ADGRB2: variants seen among roughly 807,000 people sequenced by gnomAD.
ADGRB2 encodes the protein brain-specific angiogenesis inhibitor 2.
Under a neutral mutation model 178.7 loss-of-function variants are expected in ADGRB2, and 47 were observed. The observed-to-expected ratio is 0.26, with a 90% CI of 0.21 to 0.34. The LOEUF (loss-of-function observed/expected upper bound fraction) is 0.34. ADGRB2 is among the 10% of genes least tolerant of loss of function. The probability of loss-of-function intolerance (pLI) is 1.00; values close to 1 mark genes in which losing one functional copy is unlikely to be tolerated. For missense variants in ADGRB2, 1,584 were observed against 2,180.8 expected (o/e 0.73, Z 5.45); for synonymous variants, 870 against 912.4 (o/e 0.95, Z 0.84).
chr1:31,733,594 G>C lies in ADGRB2; in HGVS notation c.3453-451C>G, dbSNP rs1185472886. On this transcript the variant is annotated intron_variant, in intron 25 of 32. Coordinates refer to ENST00000373658, the MANE Select transcript of ADGRB2 (RefSeq NM_001364857.2). This position sits in a 1 kb window ranked among gnomAD's most constrained non-coding sequence, Gnocchi z 4.3. ...CCACAGTGAGAGAACGCATGCGACA[G>C]AGACACCCAGACAGAAAGATTAAAC... is the stretch of plus-strand genomic sequence containing the variant. 2.0e-5 allele frequency among the ~76,000 whole-genome samples: 3 copies of C among 152,174 alleles called. No homozygotes were observed. In the South Asian group the frequency reaches 6.2e-4, roughly 32 times the overall value.
chr1:31,732,215 G>A, intron 27 of ADGRB2, 61 bp from the exon 28 acceptor site: 1 of 1,606,100 alleles, frequency 6.2e-7, no homozygotes, highest in South Asian at 1.1e-5. Flanking sequence ...AGGGTGGGAG[G>A]AGGCTCAGGC....
chr1:31,761,042 G>A lies in ADGRB2; in HGVS notation c.-191+2842C>T, dbSNP rs1647027934. On this transcript the variant is annotated intron_variant, in intron 1 of 32. Coordinates refer to ENST00000373658, the MANE Select transcript of ADGRB2 (RefSeq NM_001364857.2). The surrounding 1 kb of genome is among the most constrained non-coding windows in gnomAD (Gnocchi z 4.2). ...TGGGGGCGGTGCCGCGCGGGCGGCGGGGGAGGGGGCGGTGACTCAGCCGCC... is the reference window on the plus strand; with the variant it reads ...TGGGGGCGGTGCCGCGCGGGCGGCGAGGGAGGGGGCGGTGACTCAGCCGCC... 1 of 151,690 alleles carries A rather than the reference G, an allele frequency of 6.6e-6. No individual in the cohort carries two copies. The highest frequency in any genetic ancestry group is 6.5e-5 in the Admixed American group (1 of 15,268). 9.4% of individuals were successfully genotyped at this position (151,690 alleles called of 1,614,324 possible).
Position 31,735,174 on chromosome 1 carries a change from A to G in ADGRB2, c.3452+9T>C. 9.2e-7 allele frequency: 1 copy of G among 1,092,662 alleles called. No homozygotes were observed. The allele number at this position is 1,092,662 out of a possible 1,614,324, so 67.7% of individuals were successfully genotyped here. The stretch of plus-strand genomic sequence containing the variant: ...CCACCCCCACCGCCCCCCAGGGGGC[A>G]CGACTAACATGGCGTTCCTGGCCGA... On this transcript the variant is annotated intron_variant, in intron 25 of 32. Transcript: ENST00000373658. The surrounding 1 kb of genome is among the most constrained non-coding windows in gnomAD (Gnocchi z 6.0).
chr1:31,762,519 A>C (rs1241559450), intron 1 of ADGRB2, among the ~76,000 whole-genome samples: 1 of 152,234 alleles, frequency 6.6e-6, no homozygotes, highest in Non-Finnish European at 1.5e-5. Context: ...AAGCCCAACC[A>C]GGCGTCCTGG....
chr1:31,756,206 C>T lies in ADGRB2; in HGVS notation c.631G>A (p.Ala211Thr), dbSNP rs904940190. ...LCRWSEECGR[A>T]AGRACGFAQP... Reference sequence around the variant, plus strand: ...GCAAAGCCGCAGGCCCTGCCGGCAGCGCGGCCACACTCCTCACTCCAGCGG... The same window carrying T: ...GCAAAGCCGCAGGCCCTGCCGGCAGTGCGGCCACACTCCTCACTCCAGCGG... The change falls in exon 4 of 33, where the codon GCT becomes ACT. Residue 211 changes from alanine (A) to threonine (T), a missense_variant. Coordinates refer to ENST00000373658, the MANE Select transcript of ADGRB2 (RefSeq NM_001364857.2). The surrounding 1 kb of genome is among the most constrained non-coding windows in gnomAD (Gnocchi z 8.5). 1.2e-6 allele frequency: 2 copies of T among 1,613,526 alleles called. No individual in the cohort carries two copies. Among genetic ancestry groups the T allele is most frequent in the Non-Finnish European group, 8.5e-7 (1 of 1,179,902 alleles).
In ADGRB2 at chr1:31,741,985, C is replaced by T. The variant is rs775565293; in HGVS notation, c.1418-18G>A. 7 of 1,584,852 alleles carry T rather than the reference C, an allele frequency of 4.4e-6. No homozygotes were observed. Among genetic ancestry groups the T allele is most frequent in the Admixed American group, 3.4e-5 (2 of 58,528 alleles). On this transcript the variant is annotated intron_variant, in intron 8 of 32. Transcript: ENST00000373658. This position sits in a 1 kb window ranked among gnomAD's most constrained non-coding sequence, Gnocchi z 6.5. ...ATCAGTGGCTGTGGGAGAGGTGAGG[C>T]ATATGAGTGGGCCCAGGTACCCCCA...
rs1215997281 is a variant in ADGRB2, at chr1:31,754,595, A to C, written c.838+1404T>G. On this transcript the variant is annotated intron_variant, in intron 4 of 32. Transcript: ENST00000373658. This position sits in a 1 kb window ranked among gnomAD's most constrained non-coding sequence, Gnocchi z 5.7. ...GCCCGGCTGTCACTCGGACGGCTTCATTGACCGCCGTTAGAGGCCAAGCTA... is the reference window on the plus strand; with the variant it reads ...GCCCGGCTGTCACTCGGACGGCTTCCTTGACCGCCGTTAGAGGCCAAGCTA... Among the ~76,000 whole-genome samples, 2 of 152,242 alleles carry C rather than the reference A, an allele frequency of 1.3e-5. No homozygotes were observed. The highest frequency in any genetic ancestry group is 2.9e-5 in the Non-Finnish European group (2 of 68,036).
At chr1:31,750,213 C>A (rs1646496584) in intron 4 of ADGRB2, among the ~76,000 whole-genome samples, 1 of 152,194 alleles carries the variant, frequency 6.6e-6, no homozygotes, top group Admixed American at 6.5e-5. Flanking sequence ...GGCCTAGTCC[C>A]CAGGCCATCT....
Position 31,756,867 on chromosome 1 carries a change from C to T in ADGRB2, c.22-52G>A. On this transcript the variant is annotated intron_variant, in intron 3 of 32. Coordinates refer to ENST00000373658, the MANE Select transcript of ADGRB2 (RefSeq NM_001364857.2). This position sits in a 1 kb window ranked among gnomAD's most constrained non-coding sequence, Gnocchi z 8.5. Reference sequence around the variant, plus strand: ...GCCCCCAGCACAGCCAGCATGGGCTCTGAACCTTCTATGGTGAGCTGCGGG... The same window carrying T: ...GCCCCCAGCACAGCCAGCATGGGCTTTGAACCTTCTATGGTGAGCTGCGGG... The T allele has an allele frequency of 7.0e-7, 1 of 1,431,378 alleles. No individual in the cohort carries two copies. Among genetic ancestry groups the T allele is most frequent in the Non-Finnish European group, 9.2e-7 (1 of 1,081,894 alleles). 88.7% of individuals were successfully genotyped at this position (1,431,378 alleles called of 1,614,324 possible). A position where few individuals can be genotyped will look rare whatever the true frequency, so the allele number is the denominator to read the frequency against.
chr1:31,730,993 G>C lies in ADGRB2; in HGVS notation c.4187C>G (p.Pro1396Arg). 1 of 1,568,820 alleles carries C rather than the reference G, an allele frequency of 6.4e-7. No homozygotes were observed. Among genetic ancestry groups the C allele is most frequent in the Non-Finnish European group, 8.7e-7 (1 of 1,153,778 alleles). Reference protein sequence around the residue: ...AKTVAHTEGYPSFLSVDHSGL... With the variant: ...AKTVAHTEGYRSFLSVDHSGL... ...CGAGTGGTCCACGGACAGGAAGCTG[G>C]GGTAGCCTTCAGTGTGGGCCACTGT... Residue 1396 changes from proline to arginine, a missense_variant, in exon 29 of 33, where the codon CCC (proline) becomes CGC (arginine). Physicochemically the swap from Pro to Arg is moderately radical, Grantham distance 103. Transcript: ENST00000373658.
chr1:31,732,155 C>T lies in ADGRB2; in HGVS notation c.3721-1G>A, dbSNP rs1199718185. On this transcript the variant is annotated splice_acceptor_variant, in intron 27 of 32. Coordinates refer to ENST00000373658, the MANE Select transcript of ADGRB2 (RefSeq NM_001364857.2). LOFTEE classifies it high-confidence loss of function. ...GATCCACATCCTTTTCAAAGTCTGACTATAGGCAGAAAGGGAGGGGCAGGT... is the reference window on the plus strand; with the variant it reads ...GATCCACATCCTTTTCAAAGTCTGATTATAGGCAGAAAGGGAGGGGCAGGT... 6.2e-7 allele frequency: 1 copy of T among 1,614,094 alleles called. No homozygotes were observed. Among genetic ancestry groups the T allele is most frequent in the Non-Finnish European group, 8.5e-7 (1 of 1,179,976 alleles).
At chr1:31,729,897 C>A (rs1451788686) in intron 29 of ADGRB2, among the ~76,000 whole-genome samples, 1 of 152,236 alleles carries the variant, frequency 6.6e-6, no homozygotes, top group Non-Finnish European at 1.5e-5. Context: ...GAAGCAGGCA[C>A]CAAATGTTCC....
chr1:31,730,232 A>G (rs1305069735), intron 29 of ADGRB2, among the ~76,000 whole-genome samples: 1 of 152,196 alleles, frequency 6.6e-6, no homozygotes, highest in Non-Finnish European at 1.5e-5. Flanking sequence ...TTTTCTCCGG[A>G]AGAGAGGGTC....
At chr1:31,738,478 G>T in intron 17 of ADGRB2, 109 bp downstream of exon 17, 2 of 1,529,368 alleles carry the variant, frequency 1.3e-6, no homozygotes, top group Non-Finnish European at 1.8e-6. Flanking sequence ...TGACCCCTTA[G>T]GCTAGGATGG....
intron 22 of ADGRB2, 152 bp from the exon 23 acceptor site, chr1:31,736,045 G>T: frequency 1.1e-6 from 1 of 931,974 alleles, no homozygotes; most frequent in Non-Finnish European, 1.6e-6. Context: ...CTCCTGCTGA[G>T]CCTCGGTTTC....
chr1:31,736,990 T>A (rs1382587384), intron 20 of ADGRB2, among the ~76,000 whole-genome samples: 1 of 152,108 alleles, frequency 6.6e-6, no homozygotes, highest in Non-Finnish European at 1.5e-5. Flanking sequence ...GGGACAGACA[T>A]GAGCACCTGC....
chr1:31,728,314 C>T lies in ADGRB2; in HGVS notation c.4417-34G>A, dbSNP rs772562649. On this transcript the variant is annotated intron_variant, in intron 30 of 32. Transcript: ENST00000373658. This position sits in a 1 kb window ranked among gnomAD's most constrained non-coding sequence, Gnocchi z 6.7. ...CACAGGGCATCAGAGGGTCGCTCCC[C>T]GGGGCAGCACCATGATCCCCCCTAC... is the stretch of plus-strand genomic sequence containing the variant. 9 of 1,598,884 alleles carry T rather than the reference C, an allele frequency of 5.6e-6. No individual in the cohort carries two copies. Among genetic ancestry groups the T allele is most frequent in the African/African-American group, 1.3e-5 (1 of 74,610 alleles).
chr1:31,756,583 C>A lies in ADGRB2; in HGVS notation c.254G>T (p.Arg85Leu). ...TKYSLYLRFN[R>L]QEQVCAHFAP... is the part of the protein sequence containing the mutation. Reference sequence around the variant, plus strand: ...AAAGTGTGCGCACACCTGCTCCTGGCGGTTGAAGCGCAGGTAGAGGGAGTA... The same window carrying A: ...AAAGTGTGCGCACACCTGCTCCTGGAGGTTGAAGCGCAGGTAGAGGGAGTA... Residue 85 changes from arginine to leucine, a missense_variant, in exon 4 of 33, where the codon CGC becomes CTC. By Grantham distance (102) the Arg-to-Leu change is moderately radical (BLOSUM62 -2). Transcript: ENST00000373658. The surrounding 1 kb of genome is among the most constrained non-coding windows in gnomAD (Gnocchi z 8.5). 2 of 1,609,544 alleles carry A rather than the reference C, an allele frequency of 1.2e-6. No homozygotes were observed. The highest frequency in any genetic ancestry group is 1.7e-6 in the Non-Finnish European group (2 of 1,177,398).
Position 31,742,128 on chromosome 1 carries a change from C to G in ADGRB2, c.1342G>C (p.Val448Leu). 6.2e-7 allele frequency: 1 copy of G among 1,613,526 alleles called. No homozygotes were observed. Among genetic ancestry groups the G allele is most frequent in the Non-Finnish European group, 8.5e-7 (1 of 1,179,934 alleles). ...GTQQRSRKCS[V>L]AGPAWATCTG... ...CATGTGGCCCAGGCTGGGCCCGCCA[C>G]GCTGCACTTCCGGCTGCGCTGTTGG... is the stretch of plus-strand genomic sequence containing the variant. Residue 448 changes from valine to leucine, a missense_variant, in exon 8 of 33, where the codon GTG becomes CTG. Transcript: ENST00000373658.
Sources: allele counts gnomAD v4.1 joint callset (sites outside exome capture counted in the v4.1 genomes callset), GRCh38; gene constraint gnomAD v4.1.1; non-coding constraint Gnocchi (gnomAD v3.1); transcripts MANE v1.5; gene names NCBI Gene and HGNC (gene_info 2026-07-23, HGNC 2026-07-21).